THSD4: variants seen among roughly 807,000 people sequenced by gnomAD.
THSD4 encodes the protein thrombospondin type 1 domain containing 4, also known as thrombospondin type-1 domain-containing protein 4.
In THSD4, 69 loss-of-function variants were observed where a neutral mutation model predicts 119.0. The observed-to-expected ratio is 0.58, with a 90% CI of 0.48 to 0.71. The LOEUF is 0.71. THSD4 is among the 30% of genes least tolerant of loss of function. The pLI is 0.00. For missense variants in THSD4, 1,393 were observed against 1,391.1 expected (o/e 1.00, Z -0.02); for synonymous variants, 524 against 540.4 (o/e 0.97, Z 0.42).
At chr15:71,682,720 G>A (rs2051809871) in intron 8 of THSD4, among the ~76,000 whole-genome samples, 1 of 151,718 alleles carries the variant, frequency 6.6e-6, no homozygotes, top group African/African-American at 2.4e-5. Context: ...TGTAGAATGT[G>A]CTAAGTCACA....
chr15:71,370,036 C>T (rs556713205), intron 6 of THSD4, among the ~76,000 whole-genome samples: 2 of 150,652 alleles, frequency 1.3e-5, no homozygotes, highest in South Asian at 4.3e-4. Context: ...AGGAATTTAT[C>T]CATTTCTTCT....
At chr15:71,580,550 T>A (rs779148016) in intron 7 of THSD4, among the ~76,000 whole-genome samples, 4 of 152,136 alleles carry the variant, frequency 2.6e-5, no homozygotes, top group Non-Finnish European at 4.4e-5. Context: ...TTAACTATAG[T>A]CACCATGTTG....
chr15:71,114,197 T>C (rs2040331617), upstream of THSD4, among the ~76,000 whole-genome samples: 1 of 152,030 alleles, frequency 6.6e-6, no homozygotes, highest in Non-Finnish European at 1.5e-5. Flanking sequence ...CCTAATCTCT[T>C]GAGTAGCCTC....
At chr15:71,135,392 C>CAAAAAAAA (rs1170278742) in intron 1 of THSD4, among the ~76,000 whole-genome samples, 5 of 122,520 alleles carry the variant, frequency 4.1e-5, no homozygotes, top group Non-Finnish European at 6.6e-5. Context: ...TACTAAATGA[C>CAAAAAAAA]AAAAAAAAAA....
chr15:71,646,011 T>G lies in THSD4; in HGVS notation c.1153-14519T>G, dbSNP rs112948017. 2.1e-3 allele frequency among the ~76,000 whole-genome samples: 321 copies of G among 152,290 alleles called. 2 individuals carry two copies. The highest frequency in any genetic ancestry group is 7.4e-3 in the African/African-American group (309 of 41,574). ...ATCTGCTATTCACTACCATATTCCCTGTTTCAATCACTCCATTAATCTCCT... is the reference window on the plus strand; with the variant it reads ...ATCTGCTATTCACTACCATATTCCCGGTTTCAATCACTCCATTAATCTCCT... On this transcript the variant is annotated intron_variant, in intron 7 of 17. Coordinates refer to ENST00000261862, the MANE Select transcript of THSD4 (RefSeq NM_024817.3).
At chr15:71,665,363 A>T in intron 8 of THSD4, among the ~76,000 whole-genome samples, 1 of 151,680 alleles carries the variant, frequency 6.6e-6, no homozygotes, top group South Asian at 2.1e-4. Context: ...TTTTCCGTAA[A>T]CTTGTGAAAG....
intron 3 of THSD4, among the ~76,000 whole-genome samples, chr15:71,211,675 A>C (rs919567792): frequency 1.3e-5 from 2 of 152,174 alleles, no homozygotes; most frequent in Non-Finnish European, 2.9e-5. Context: ...CCACCTGTTC[A>C]TACCCTTAGA....
intron 6 of THSD4, among the ~76,000 whole-genome samples, chr15:71,360,110 G>A (rs907401949): frequency 1.3e-5 from 2 of 152,154 alleles, no homozygotes; most frequent in African/African-American, 4.8e-5. Flanking sequence ...TCATCCGAAG[G>A]CTTCTTGGCT....
chr15:71,413,592 T>A (rs1282224236), intron 7 of THSD4, among the ~76,000 whole-genome samples: 1 of 152,242 alleles, frequency 6.6e-6, no homozygotes, highest in Non-Finnish European at 1.5e-5. Context: ...GTTGACAGAA[T>A]GTCCTTCAGT....
chr15:71,610,660 T>C lies in THSD4; in HGVS notation c.1153-49870T>C, dbSNP rs150992127. ...TAAACATGGGTGACTTATGTACCTG[T>C]ATATACTTATATACATACATACATA... On this transcript the variant is annotated intron_variant, in intron 7 of 17. Coordinates refer to ENST00000261862, the MANE Select transcript of THSD4 (RefSeq NM_024817.3). 1.3e-3 allele frequency among the ~76,000 whole-genome samples: 199 copies of C among 152,308 alleles called. 5 individuals carry two copies. The East Asian group carries it at 0.037, about 29-fold the overall frequency.
chr15:71,139,809 A>G (rs56044327), intron 1 of THSD4, among the ~76,000 whole-genome samples: 2,746 of 152,348 alleles, frequency 0.018, 81 homozygotes, highest in African/African-American at 0.063. Context: ...TAATGATCTT[A>G]GAGAACTCCA....
At chr15:71,136,893 C>G (rs769093897) in intron 1 of THSD4, among the ~76,000 whole-genome samples, 1 of 152,132 alleles carries the variant, frequency 6.6e-6, no homozygotes, top group Non-Finnish European at 1.5e-5. Context: ...AGCATGGCAT[C>G]CCTTCGGCTC....
At chr15:71,563,128 C>T (rs2049156656) in intron 7 of THSD4, among the ~76,000 whole-genome samples, 1 of 152,136 alleles carries the variant, frequency 6.6e-6, no homozygotes, top group African/African-American at 2.4e-5. Context: ...CTCTTATATC[C>T]CACATCGTCC....
intron 14 of THSD4, among the ~76,000 whole-genome samples, chr15:71,753,962 A>G (rs192340892): frequency 4.6e-5 from 7 of 152,268 alleles, no homozygotes; most frequent in Admixed American, 2.0e-4. Context: ...ATGTATGTGC[A>G]TTACTTGGTT....
chr15:71,369,087 G>A (rs2046007781), intron 6 of THSD4, among the ~76,000 whole-genome samples: 1 of 152,090 alleles, frequency 6.6e-6, no homozygotes, highest in Admixed American at 6.6e-5. Flanking sequence ...CTCTCTGTCT[G>A]TTATTGGTGT....
rs145375332 is a variant in THSD4 at position 71,504,689 on chromosome 15, A to G, written c.1152+92866A>G. On this transcript the variant is annotated intron_variant, in intron 7 of 17. Coordinates refer to ENST00000261862, the MANE Select transcript of THSD4 (RefSeq NM_024817.3). ...GTTCCTGTACCCCTTAGCCAGTTTC[A>G]GTGTCCCCTAGTGTTAACGTCTTGT... 2.4e-4 allele frequency among the ~76,000 whole-genome samples: 37 copies of G among 152,356 alleles called. No individual in the cohort carries two copies. In the East Asian group the frequency reaches 5.8e-3, roughly 24 times the overall value.
At chr15:71,518,125 A>G (rs1327248158) in intron 7 of THSD4, among the ~76,000 whole-genome samples, 1 of 152,180 alleles carries the variant, frequency 6.6e-6, no homozygotes, top group African/African-American at 2.4e-5. Context: ...GCATTGCTCA[A>G]TTCCATGAAA....
At chr15:71,154,976 C>T in intron 3 of THSD4, 44 bp downstream of exon 3, 1 of 1,593,344 alleles carries the variant, frequency 6.3e-7, no homozygotes, top group African/African-American at 1.3e-5. Context: ...GCCCAAGGGG[C>T]TAGGGCCACT....
intron 6 of THSD4, among the ~76,000 whole-genome samples, chr15:71,269,683 T>C (rs767663554): frequency 1.3e-5 from 2 of 152,192 alleles, no homozygotes; most frequent in African/African-American, 4.8e-5. Flanking sequence ...GATGACATGA[T>C]TGTATATTTA....
Sources: gnomAD v4.1 joint callset for allele counts (sites outside exome capture counted in the v4.1 genomes callset) on GRCh38, gnomAD v4.1.1 for gene constraint, MANE v1.5 for transcripts, NCBI Gene and HGNC (gene_info 2026-07-23, HGNC 2026-07-21) for gene names.